Variants in CUL3 observed in about 807,000 individuals in gnomAD.
CUL3 encodes cullin-3.
CUL3 carries 19 observed loss-of-function variants against 89.1 expected under a neutral mutation model. That is an observed-to-expected ratio of 0.21 (90% CI 0.15 to 0.31). CUL3 has a LOEUF of 0.31. Among genes scored for constraint, CUL3 ranks in the 10% least tolerant of loss-of-function variants. CUL3 has a pLI of 1.00. For synonymous variants in CUL3, 351 were observed against 308.4 expected (o/e 1.14, Z -1.45); for missense variants, 469 against 942.3 (o/e 0.50, Z 6.58).
intron 1 of CUL3, among the ~76,000 whole-genome samples, chr2:224,559,452 CAAA>C (rs34898102): frequency 5.9e-5 from 4 of 67,490 alleles, no homozygotes; most frequent in Non-Finnish European, 6.4e-5. Context: ...GATTGTGTCT[CAAA>C]AAAAAAAAAA....
At chr2:224,477,557 A>C (rs891714415) in intron 15 of CUL3, among the ~76,000 whole-genome samples, 5 of 152,362 alleles carry the variant, frequency 3.3e-5, no homozygotes, top group African/African-American at 1.2e-4. Flanking sequence ...TACACAATAA[A>C]GTCAACTTGT....
chr2:224,498,567 T>C (rs148386959), intron 11 of CUL3, among the ~76,000 whole-genome samples: 5 of 152,338 alleles, frequency 3.3e-5, no homozygotes, highest in East Asian at 1.9e-4. Context: ...CTCGAGACTA[T>C]AGGCAGTGCC....
In CUL3 at chr2:224,585,320, G is replaced by A. The variant is rs997884417; in HGVS notation, c.-311C>T. On this transcript the variant is annotated 5_prime_UTR_variant, in exon 1 of 16. Coordinates refer to ENST00000264414, the MANE Select transcript of CUL3 (RefSeq NM_003590.5). ...GCTCCTCCGCGATGGCGGCGGCGGC[G>A]GCGACGGACAAACATCTCACTGCGC... The A allele has an allele frequency of 1.2e-5, 5 of 402,336 alleles. No homozygotes were observed. Among genetic ancestry groups the A allele is most frequent in the African/African-American group, 6.2e-5 (3 of 48,724 alleles). The allele number at this position is 402,336 out of a possible 1,614,324, so 24.9% of individuals were successfully genotyped here.
chr2:224,533,648 A>G (rs1693776044), intron 3 of CUL3, among the ~76,000 whole-genome samples: 1 of 152,232 alleles, frequency 6.6e-6, no homozygotes, highest in Admixed American at 6.5e-5. Flanking sequence ...AAGACTCACC[A>G]TATCTAGAAC....
intron 1 of CUL3, among the ~76,000 whole-genome samples, chr2:224,582,144 T>A (rs1695456274): frequency 6.6e-6 from 1 of 152,082 alleles, no homozygotes; most frequent in African/African-American, 2.4e-5. Flanking sequence ...TTTTGTATTT[T>A]AAGTAGAGAT....
chr2:224,511,307 A>G (rs369886464), intron 6 of CUL3, 47 bp downstream of exon 6: 763 of 1,355,906 alleles, frequency 5.6e-4, no homozygotes, highest in Non-Finnish European at 7.4e-4. Flanking sequence ...AAAAATATCG[A>G]TAAGGCAGAG....
intron 3 of CUL3, among the ~76,000 whole-genome samples, chr2:224,526,165 A>C (rs193229579): frequency 6.6e-6 from 1 of 152,356 alleles, no homozygotes; most frequent in East Asian, 1.9e-4. Context: ...GAGCAAATTA[A>C]TGACAAAGCA....
chr2:224,473,494 CA>C lies in CUL3; in HGVS notation c.*750del, dbSNP rs1427048011. On this transcript the variant is annotated 3_prime_UTR_variant, in exon 16 of 16. Coordinates refer to ENST00000264414, the MANE Select transcript of CUL3 (RefSeq NM_003590.5). ...AATCCACTATTAGCAGTGAGTACAACAGCAAAAAAATTATTGTACAATTTAC... is the reference window on the plus strand; with the variant it reads ...AATCCACTATTAGCAGTGAGTACAACGCAAAAAAATTATTGTACAATTTAC... 5.5e-6 allele frequency: 1 copy of C among 182,768 alleles called. No individual in the cohort carries two copies. The highest frequency in any genetic ancestry group is 2.4e-5 in the African/African-American group (1 of 42,440). The allele number at this position is 182,768 out of a possible 1,614,324, so 11.3% of individuals were successfully genotyped here. A position where few individuals can be genotyped will look rare whatever the true frequency, so the allele number is the denominator to read the frequency against.
At position 224,485,287 on chromosome 2, in the gene CUL3, A is replaced by G. The variant is rs1195030512; in HGVS notation, c.1843-3209T>C. The stretch of plus-strand genomic sequence containing the variant: ...AGAGAGAACCGTCCACTCCCCTGGA[A>G]AGGGGGCTGAAGCCAGGGAGCCAAG... On this transcript the variant is annotated intron_variant, in intron 13 of 15. Transcript: ENST00000264414. The surrounding 1 kb of genome is among the most constrained non-coding windows in gnomAD (Gnocchi z 4.1). The G allele has an allele frequency of 6.6e-6, 1 of 152,182 alleles. No individual in the cohort carries two copies. Among genetic ancestry groups the G allele is most frequent in the Non-Finnish European group, 1.5e-5 (1 of 68,102 alleles). The allele number at this position is 152,182 out of a possible 1,614,324, so 9.4% of individuals were successfully genotyped here.
intron 2 of CUL3, among the ~76,000 whole-genome samples, chr2:224,550,555 C>T (rs1257635670): frequency 6.6e-6 from 1 of 152,096 alleles, no homozygotes; most frequent in African/African-American, 2.4e-5. Context: ...TTAAAACTAA[C>T]CTGTTCAAAA....
intron 6 of CUL3, among the ~76,000 whole-genome samples, chr2:224,510,219 G>GT (rs1553522669): frequency 0.027 from 2,849 of 105,170 alleles, 36 homozygotes; most frequent in Non-Finnish European, 0.04. Flanking sequence ...GATGACTTCT[G>GT]TTTTTTTTTT....
intron 3 of CUL3, among the ~76,000 whole-genome samples, chr2:224,524,097 A>C (rs756859899): frequency 2.6e-4 from 40 of 152,102 alleles, no homozygotes; most frequent in Non-Finnish European, 1.3e-4. Flanking sequence ...AAAAAAACAA[A>C]CCAAAAACCC....
intron 5 of CUL3, among the ~76,000 whole-genome samples, chr2:224,512,244 C>T (rs1038403437): frequency 2.6e-5 from 4 of 151,918 alleles, no homozygotes; most frequent in Admixed American, 2.0e-4. Flanking sequence ...TACAGGCGCC[C>T]GCCACCACGC....
chr2:224,474,817 C>CT (rs1691256040), intron 15 of CUL3, among the ~76,000 whole-genome samples: 1 of 152,176 alleles, frequency 6.6e-6, no homozygotes, highest in African/African-American at 2.4e-5. Flanking sequence ...GGTGTGTACA[C>CT]TAAATGTGTT....
chr2:224,522,601 G>T (rs190469205), intron 3 of CUL3, among the ~76,000 whole-genome samples: 1 of 152,268 alleles, frequency 6.6e-6, no homozygotes, highest in African/African-American at 2.4e-5. Context: ...GCCGAGGCGG[G>T]CGGATCATGA....
Position 224,471,746 on chromosome 2 carries a change from T to C in CUL3, c.*2499A>G, listed in dbSNP as rs1691138858. The C allele has an allele frequency of 4.4e-6, 1 of 225,254 alleles. No homozygotes were observed. The highest frequency in any genetic ancestry group is 5.7e-5 in the Admixed American group (1 of 17,534). The allele number at this position is 225,254 out of a possible 1,614,324, so 14.0% of individuals were successfully genotyped here. A position where few individuals can be genotyped will look rare whatever the true frequency, so the allele number is the denominator to read the frequency against. ...ATGAATTTTCAGTCTTTAAATAATGTTAACGATTCAAAATAAACACTGTCC... is the reference window on the plus strand; with the variant it reads ...ATGAATTTTCAGTCTTTAAATAATGCTAACGATTCAAAATAAACACTGTCC... On this transcript the variant is annotated 3_prime_UTR_variant, in exon 16 of 16. Coordinates refer to ENST00000264414, the MANE Select transcript of CUL3 (RefSeq NM_003590.5).
At chr2:224,499,877 T>C (rs1220591980) in intron 11 of CUL3, 1 of 164,726 alleles carries the variant, frequency 6.1e-6, no homozygotes, top group Admixed American at 6.0e-5. Flanking sequence ...CCAAAAAAAA[T>C]ATTTGCTTGG....
intron 2 of CUL3, among the ~76,000 whole-genome samples, chr2:224,542,698 C>G (rs1177676574): frequency 1.3e-5 from 2 of 152,116 alleles, no homozygotes; most frequent in Non-Finnish European, 2.9e-5. Flanking sequence ...CATGAGTCAC[C>G]GTGTCTGGCC....
chr2:224,521,863 G>A (rs1693279193), intron 3 of CUL3, among the ~76,000 whole-genome samples: 1 of 151,820 alleles, frequency 6.6e-6, no homozygotes, highest in Admixed American at 6.6e-5. Context: ...TAACTGTCAA[G>A]CTGGTTAATC....
Sources: gnomAD v4.1 joint callset for allele counts (sites outside exome capture counted in the v4.1 genomes callset) on GRCh38, gnomAD v4.1.1 for gene constraint, Gnocchi (gnomAD v3.1) non-coding constraint, MANE v1.5 for transcripts, NCBI Gene and HGNC (gene_info 2026-07-23, HGNC 2026-07-21) for gene names.